Variants in HELZ observed in about 807,000 individuals in gnomAD.
The protein encoded by HELZ is ATP-dependent RNA helicase with zinc finger domain.
Under a neutral mutation model 218.2 loss-of-function variants are expected in HELZ, and 23 were observed. The observed-to-expected ratio is 0.11, with a 90% CI of 0.08 to 0.15. The LOEUF (loss-of-function observed/expected upper bound fraction) is 0.15, where lower values mean the gene tolerates loss of function less well. HELZ is among the 10% of genes least tolerant of loss of function. The pLI, the probability that HELZ is intolerant of heterozygous loss-of-function variation, is 1.00. For missense variants in HELZ, 1,813 were observed against 2,353.7 expected (o/e 0.77, Z 4.75); for synonymous variants, 814 against 829.4 (o/e 0.98, Z 0.32).
chr17:67,244,574 G>T, intron 1 of HELZ: 1 of 966,260 alleles, frequency 1.0e-6, no homozygotes, highest in Non-Finnish European at 1.2e-6. Context: ...GCATTTCCGA[G>T]GAGGGGGCGG....
intron 3 of HELZ, among the ~76,000 whole-genome samples, chr17:67,220,432 C>T (rs1389872465): frequency 6.6e-6 from 1 of 152,198 alleles, no homozygotes; most frequent in Non-Finnish European, 1.5e-5. Context: ...TGGGGATTTA[C>T]ACATGTGGTA....
At position 67,201,127 on chromosome 17, in the gene HELZ, A is replaced by G; in HGVS notation, c.429+2T>C. On this transcript the variant is annotated splice_donor_variant, in intron 7 of 32. Coordinates refer to ENST00000358691, the MANE Select transcript of HELZ (RefSeq NM_014877.4). LOFTEE classifies it high-confidence loss of function. ...CAAACGGATCCACTGAAATGGCCTT[A>G]CCTCTGTTTCTGAGAGAAGTGTTTT... The G allele has an allele frequency of 6.3e-7, 1 of 1,591,774 alleles. No individual in the cohort carries two copies. Among genetic ancestry groups the G allele is most frequent in the Non-Finnish European group, 8.6e-7 (1 of 1,159,606 alleles).
intron 7 of HELZ, among the ~76,000 whole-genome samples, chr17:67,197,799 T>C (rs1188003555): frequency 6.6e-6 from 1 of 152,178 alleles, no homozygotes; most frequent in Non-Finnish European, 1.5e-5. Flanking sequence ...TGAACTAAAC[T>C]CTGTAATACT....
At chr17:67,166,424 T>C in intron 15 of HELZ, 54 bp downstream of exon 15, 1 of 1,439,452 alleles carries the variant, frequency 6.9e-7, no homozygotes, top group Non-Finnish European at 9.7e-7. Context: ...TTGATACAGA[T>C]ATTCAATTTA....
Position 67,178,741 on chromosome 17 carries a change from A to T in HELZ, c.1348T>A (p.Ser450Thr), listed in dbSNP as rs1251172848. Residue 450 changes from serine to threonine, a missense_variant, in exon 13 of 33, where the codon TCA becomes ACA. Coordinates refer to ENST00000358691, the MANE Select transcript of HELZ (RefSeq NM_014877.4). ...GACTGATAGTTGCTCTTGGTCAATG[A>T]TTTGTCTAAAACGGACTGAGTAAAT... ...QLFTQSVLDK[S>T]LTKSNYQSRL... The T allele has an allele frequency of 2.7e-5, 44 of 1,613,816 alleles. No individual in the cohort carries two copies. The highest frequency in any genetic ancestry group is 3.6e-5 in the Non-Finnish European group (43 of 1,179,874).
intron 32 of HELZ, among the ~76,000 whole-genome samples, chr17:67,081,910 CAGAAGACCAAGAGCAGAGTG>C (rs1330998448): frequency 6.7e-5 from 2 of 29,634 alleles, no homozygotes; most frequent in Non-Finnish European, 7.1e-5. Flanking sequence ...GCAGAGTGAT[CAGAAGACCAAGAGCAGAGTG>C]ATCAGAAGAC....
At chr17:67,129,605 T>C (rs1057337251) in intron 23 of HELZ, among the ~76,000 whole-genome samples, 1 of 152,128 alleles carries the variant, frequency 6.6e-6, no homozygotes, top group African/African-American at 2.4e-5. Context: ...GCACAACTTA[T>C]ACCATTAACT....
intron 31 of HELZ, among the ~76,000 whole-genome samples, chr17:67,091,277 A>G (rs1328198083): frequency 6.6e-6 from 1 of 152,086 alleles, no homozygotes; most frequent in Non-Finnish European, 1.5e-5. Context: ...AAAGAAGGGG[A>G]AAAAAGCCTC....
rs1193459005 is a variant in HELZ at position 67,194,099 on chromosome 17, T to C, written c.482-57A>G. ...TTGAGGCTAGCCAGTAATTCTGATA[T>C]TTTAATGTGTAAGAGATACTACAAT... On this transcript the variant is annotated intron_variant, in intron 8 of 32. Coordinates refer to ENST00000358691, the MANE Select transcript of HELZ (RefSeq NM_014877.4). The C allele has an allele frequency of 5.0e-6, 6 of 1,208,240 alleles. No homozygotes were observed. The Admixed American group carries it at 1.1e-4, about 22-fold the overall frequency. 74.8% of individuals were successfully genotyped at this position (1,208,240 alleles called of 1,614,324 possible).
intron 31 of HELZ, among the ~76,000 whole-genome samples, chr17:67,089,696 G>GAGAC (rs1555595458): frequency 1.4e-3 from 176 of 122,638 alleles, no homozygotes; most frequent in South Asian, 3.0e-3. Context: ...GAGAGAGAGA[G>GAGAC]AGAGACAGAG....
intron 7 of HELZ, among the ~76,000 whole-genome samples, chr17:67,197,690 C>T (rs2040067800): frequency 6.6e-6 from 1 of 152,146 alleles, no homozygotes; most frequent in Non-Finnish European, 1.5e-5. Flanking sequence ...TATCTTGTAC[C>T]ATAGAAAGAA....
chr17:67,232,944 G>A (rs1039794877), intron 3 of HELZ, among the ~76,000 whole-genome samples: 2 of 152,162 alleles, frequency 1.3e-5, no homozygotes, highest in African/African-American at 4.8e-5. Flanking sequence ...GATCAGACTG[G>A]CCAACTGAGT....
Position 67,118,956 on chromosome 17 carries a change from G to C in HELZ, c.3838+1449C>G, listed in dbSNP as rs546877968. On this transcript the variant is annotated intron_variant, in intron 27 of 32. Transcript: ENST00000358691. ...AACATGTAAATTAATACCACAATGA[G>C]ATATGATTAGACATCCACTAACAAG... 2.0e-5 allele frequency among the ~76,000 whole-genome samples: 3 copies of C among 152,112 alleles called. No homozygotes were observed. In the South Asian group the frequency reaches 6.2e-4, roughly 32 times the overall value.
intron 7 of HELZ, among the ~76,000 whole-genome samples, chr17:67,200,001 T>G (rs1203926278): frequency 6.6e-6 from 1 of 152,188 alleles, no homozygotes. Context: ...TGAATTACAC[T>G]TACAGTTGTT....
chr17:67,129,363 CAT>C (rs1266240749), intron 23 of HELZ, among the ~76,000 whole-genome samples: 3 of 151,186 alleles, frequency 2.0e-5, no homozygotes, highest in Non-Finnish European at 4.4e-5. Context: ...CATACATACA[CAT>C]ATATACACAT....
At chr17:67,102,116 G>A (rs1281457017) in intron 31 of HELZ, among the ~76,000 whole-genome samples, 5 of 152,308 alleles carry the variant, frequency 3.3e-5, no homozygotes, top group Non-Finnish European at 7.3e-5. Context: ...ATGGAGTTAA[G>A]CCTAATTATC....
chr17:67,131,686 C>A (rs1254019530), intron 23 of HELZ, among the ~76,000 whole-genome samples: 1 of 151,970 alleles, frequency 6.6e-6, no homozygotes, highest in Non-Finnish European at 1.5e-5. Flanking sequence ...CTCTTTATAT[C>A]TCAGTTTCCT....
chr17:67,147,670 G>GA (rs71293574), intron 20 of HELZ, among the ~76,000 whole-genome samples: 1 of 109,560 alleles, frequency 9.1e-6, no homozygotes, highest in Non-Finnish European at 2.4e-5. Flanking sequence ...TTGGTAGGAA[G>GA]GGGGGGTCTT....
Position 67,156,715 on chromosome 17 carries a change from A to G in HELZ, c.2177+3546T>C, listed in dbSNP as rs187136813. Among the ~76,000 whole-genome samples, 833 of 152,138 alleles carry G rather than the reference A, an allele frequency of 5.5e-3. 12 individuals carry two copies. Among genetic ancestry groups the G allele is most frequent in the African/African-American group, 0.018 (755 of 41,476 alleles). ...CAATCTCATCTATGCTCACGCTTCA[A>G]TCACCACCAATACCCTAGTGACTCA... On this transcript the variant is annotated intron_variant, in intron 17 of 32. Coordinates refer to ENST00000358691, the MANE Select transcript of HELZ (RefSeq NM_014877.4).
Sources: gnomAD v4.1 joint callset for allele counts (sites outside exome capture counted in the v4.1 genomes callset) on GRCh38, gnomAD v4.1.1 for gene constraint, MANE v1.5 for transcripts, NCBI Gene and HGNC (gene_info 2026-07-23, HGNC 2026-07-21) for gene names.